The following USH2A variants were observed in gnomAD, a reference collection of about 807,000 sequenced individuals.
USH2A encodes the protein usherin.
Under a neutral mutation model 538.9 loss-of-function variants are expected in USH2A, and 443 were observed. The ratio of observed to expected loss-of-function variants is 0.82; its 90% CI spans 0.76 to 0.89. The LOEUF (loss-of-function observed/expected upper bound fraction) is 0.89, where lower values mean the gene tolerates loss of function less well. Among genes scored for constraint, USH2A ranks in the 40% least tolerant of loss-of-function variants. The probability of loss-of-function intolerance (pLI) is 0.00; values close to 1 mark genes in which losing one functional copy is unlikely to be tolerated. For synonymous variants in USH2A, 2,413 were observed against 2,273.5 expected (o/e 1.06, Z -1.75); for missense variants, 6,633 against 6,324.8 (o/e 1.05, Z -1.65).
chr1:216,173,973 A>T (rs753026439), intron 21 of USH2A: 4 of 985,072 alleles, frequency 4.1e-6, no homozygotes, highest in Non-Finnish European at 4.8e-6. Flanking sequence ...AATATAAAGC[A>T]GAAGTTGAGC....
chr1:215,954,064 A>C (rs1666998875), intron 37 of USH2A, among the ~76,000 whole-genome samples: 1 of 152,196 alleles, frequency 6.6e-6, no homozygotes, highest in African/African-American at 2.4e-5. Flanking sequence ...TCAGGAAACA[A>C]CAGGTGCTGG....
intron 14 of USH2A, among the ~76,000 whole-genome samples, chr1:216,229,607 G>A (rs929491661): frequency 6.6e-6 from 1 of 152,152 alleles, no homozygotes; most frequent in Non-Finnish European, 1.5e-5. Flanking sequence ...TAGCCATAGT[G>A]CCTAGACTGA....
rs571110005 is a variant in USH2A, at chr1:215,888,684, C to T, written c.7965G>A (p.Glu2655=). ...QPPTHPNGLV[E]NFTIERRVKG... is the part of the protein sequence containing the mutation. ...TGACTCTTCTCTCAATTGTGAAATTCTCCACCAAGCCATTGGGGTGGGTAG... is the reference window on the plus strand; with the variant it reads ...TGACTCTTCTCTCAATTGTGAAATTTTCCACCAAGCCATTGGGGTGGGTAG... Residue 2655 remains glutamate (E), a synonymous_variant, in exon 41 of 72, where the codon GAG becomes GAA. Transcript: ENST00000307340. 52 of 1,614,134 alleles carry T rather than the reference C, an allele frequency of 3.2e-5. No individual in the cohort carries two copies. The East Asian group carries it at 1.1e-3, about 35-fold the overall frequency.
At chr1:216,115,351 G>A (rs1184340333) in intron 21 of USH2A, among the ~76,000 whole-genome samples, 1 of 152,226 alleles carries the variant, frequency 6.6e-6, no homozygotes, top group East Asian at 1.9e-4. Context: ...TCACCACAGT[G>A]CCCAGGCTGG....
intron 31 of USH2A, 141 bp downstream of exon 31, chr1:216,048,393 A>G: frequency 3.7e-6 from 3 of 819,958 alleles, no homozygotes; most frequent in Non-Finnish European, 6.2e-6. Context: ...CAAAAAATGG[A>G]GCAATTATGG....
chr1:215,990,370 G>T (rs1667973549), intron 35 of USH2A, among the ~76,000 whole-genome samples: 2 of 152,140 alleles, frequency 1.3e-5, no homozygotes, highest in Admixed American at 6.5e-5. Context: ...TCATTAAAGA[G>T]CCAGGGCTTT....
At chr1:216,220,005 A>C (rs2035424112) in intron 14 of USH2A, among the ~76,000 whole-genome samples, 2 of 152,172 alleles carry the variant, frequency 1.3e-5, no homozygotes, top group African/African-American at 2.4e-5. Flanking sequence ...AATTTCATAT[A>C]CCTTCCTTTC....
intron 47 of USH2A, among the ~76,000 whole-genome samples, chr1:215,827,312 G>T (rs767109890): frequency 4.6e-5 from 7 of 152,180 alleles, no homozygotes; most frequent in Non-Finnish European, 8.8e-5. Flanking sequence ...GAGGGCTAAA[G>T]TGAATTAGGA....
chr1:216,067,180 G>A lies in USH2A; in HGVS notation c.6049+2921C>T, dbSNP rs539902314. Among the ~76,000 whole-genome samples, 7 of 152,194 alleles carry A rather than the reference G, an allele frequency of 4.6e-5. No individual in the cohort carries two copies. In the East Asian group the frequency reaches 1.2e-3, roughly 25 times the overall value. On this transcript the variant is annotated intron_variant, in intron 30 of 71. Transcript: ENST00000307340. Reference sequence around the variant, plus strand: ...ACAGGAACAGAAAACCAAACACTGCGAGTTCTCACTCATAAGTGGGAATTG... The same window carrying A: ...ACAGGAACAGAAAACCAAACACTGCAAGTTCTCACTCATAAGTGGGAATTG...
chr1:216,045,044 G>C (rs982410077), intron 32 of USH2A, among the ~76,000 whole-genome samples: 3 of 152,136 alleles, frequency 2.0e-5, no homozygotes, highest in Non-Finnish European at 4.4e-5. Flanking sequence ...GAAGCTGTGA[G>C]CACCAAGAGA....
At chr1:215,637,044 A>G (rs1002628606) in intron 69 of USH2A, among the ~76,000 whole-genome samples, 8 of 151,866 alleles carry the variant, frequency 5.3e-5, no homozygotes, top group Non-Finnish European at 1.0e-4. Context: ...AAGGGACTCT[A>G]CCTGTGCATC....
intron 47 of USH2A, among the ~76,000 whole-genome samples, chr1:215,817,789 T>C (rs1474403029): frequency 6.6e-6 from 1 of 151,532 alleles, no homozygotes. Flanking sequence ...GCCATTATAT[T>C]TGGCATTGGT....
chr1:216,199,999 C>A lies in USH2A; in HGVS notation c.3439G>T (p.Val1147Phe). 6.2e-7 allele frequency: 1 copy of A among 1,614,066 alleles called. No individual in the cohort carries two copies. Among genetic ancestry groups the A allele is most frequent in the Middle Eastern group, 1.7e-4 (1 of 6,060 alleles). ...VAVTYKTKPG[V>F]PEGNLTLSYI... Reference sequence around the variant, plus strand: ...CTTAAAGTCAAGTTTCCCTCTGGGACCCCTGGTTTTGTCTTGTAAGTGACA... The same window carrying A: ...CTTAAAGTCAAGTTTCCCTCTGGGAACCCTGGTTTTGTCTTGTAAGTGACA... The change falls in exon 17 of 72, where the codon GTC becomes TTC. Residue 1147 changes from valine (V) to phenylalanine (F), a missense_variant. By Grantham distance (50) the Val-to-Phe change is conservative (BLOSUM62 -1). Transcript: ENST00000307340.
chr1:216,331,883 T>C (rs1274627622), intron 4 of USH2A, among the ~76,000 whole-genome samples: 1 of 152,108 alleles, frequency 6.6e-6, no homozygotes, highest in African/African-American at 2.4e-5. Context: ...AGAGTCTGTC[T>C]TCCATAAAAG....
chr1:215,779,835 T>G lies in USH2A; in HGVS notation c.10939+8A>C. ...CCAGTAGGATTTCCTTTTTTTTTGT[T>G]TTCTCACCTGTGACCGTATGCTGTC... On this transcript the variant is annotated splice_region_variant and intron_variant, in intron 55 of 71. Coordinates refer to ENST00000307340, the MANE Select transcript of USH2A (RefSeq NM_206933.4). The G allele has an allele frequency of 6.2e-7, 1 of 1,613,558 alleles. No homozygotes were observed. The highest frequency in any genetic ancestry group is 8.5e-7 in the Non-Finnish European group (1 of 1,179,978).
intron 62 of USH2A, among the ~76,000 whole-genome samples, chr1:215,677,718 T>C (rs1571951642): frequency 6.6e-6 from 1 of 152,210 alleles, no homozygotes; most frequent in East Asian, 1.9e-4. Flanking sequence ...GCTGGCTCTC[T>C]TTCCTCCTCT....
At chr1:215,966,036 A>G (rs772062642) in intron 36 of USH2A, among the ~76,000 whole-genome samples, 2 of 151,972 alleles carry the variant, frequency 1.3e-5, no homozygotes, top group Non-Finnish European at 2.9e-5. Context: ...GCTATCAGTT[A>G]TGTAAAAATG....
chr1:215,906,458 C>T (rs1445100492), intron 38 of USH2A, among the ~76,000 whole-genome samples: 4 of 151,882 alleles, frequency 2.6e-5, no homozygotes, highest in East Asian at 1.9e-4. Flanking sequence ...TAACATGGGC[C>T]GTTTAAGTTC....
intron 56 of USH2A, 36 bp from the exon 57 acceptor site, chr1:215,759,879 G>C: frequency 1.2e-6 from 2 of 1,612,822 alleles, no homozygotes; most frequent in Non-Finnish European, 1.7e-6. Context: ...TTATTGTTAG[G>C]AGAAAATAAA....
Sources: gnomAD v4.1 joint callset for allele counts (sites outside exome capture counted in the v4.1 genomes callset) on GRCh38, gnomAD v4.1.1 for gene constraint, MANE v1.5 for transcripts, NCBI Gene and HGNC (gene_info 2026-07-23, HGNC 2026-07-21) for gene names.